Variants in ANKRD12 observed in about 807,000 individuals in gnomAD.
The protein encoded by ANKRD12 is ankyrin repeat domain 12, also known as ankyrin repeat domain-containing protein 12.
ANKRD12 carries 85 observed loss-of-function variants against 183.4 expected under a neutral mutation model. That is an observed-to-expected ratio of 0.46 (90% CI 0.39 to 0.56). The LOEUF is 0.56. ANKRD12 is among the 20% of genes least tolerant of loss of function. ANKRD12 has a pLI of 0.00. For synonymous variants in ANKRD12, 914 were observed against 800.2 expected, an observed-to-expected ratio of 1.14 and a Z score of -2.40; for missense variants, 2,405 against 2,357.1, an observed-to-expected ratio of 1.02 and a Z score of -0.42.
At chr18:9,165,785 T>G (rs1377932852) in intron 1 of ANKRD12, among the ~76,000 whole-genome samples, 2 of 151,976 alleles carry the variant, frequency 1.3e-5, no homozygotes, top group African/African-American at 2.4e-5. Flanking sequence ...TTTTTACGTA[T>G]GTATACATGT....
chr18:9,175,450 G>A (rs2033173390), intron 1 of ANKRD12, among the ~76,000 whole-genome samples: 1 of 138,226 alleles, frequency 7.2e-6, no homozygotes, highest in African/African-American at 2.7e-5. Context: ...GTGTTCAGTA[G>A]TTTTTCGTCC....
chr18:9,251,792 CA>C (rs1187636473), intron 8 of ANKRD12, among the ~76,000 whole-genome samples: 2 of 150,176 alleles, frequency 1.3e-5, no homozygotes, highest in Non-Finnish European at 3.0e-5. Context: ...GACTCCATCT[CA>C]AAAAAAAGAA....
intron 1 of ANKRD12, among the ~76,000 whole-genome samples, chr18:9,156,865 G>A (rs1323548714): frequency 1.3e-5 from 2 of 152,244 alleles, no homozygotes; most frequent in Non-Finnish European, 2.9e-5. Context: ...AGTATGCTAA[G>A]TGAAATAATC....
chr18:9,226,879 G>T (rs146044399), intron 8 of ANKRD12, among the ~76,000 whole-genome samples: 4 of 152,048 alleles, frequency 2.6e-5, no homozygotes, highest in African/African-American at 7.2e-5. Context: ...GGGAATTTTC[G>T]TAAGAAACCA....
intron 8 of ANKRD12, among the ~76,000 whole-genome samples, chr18:9,242,765 A>G (rs1185678674): frequency 3.9e-5 from 6 of 152,168 alleles, no homozygotes; most frequent in Non-Finnish European, 7.4e-5. Context: ...TTTTGTATGT[A>G]GATTTTGCTT....
intron 10 of ANKRD12, among the ~76,000 whole-genome samples, chr18:9,265,760 A>G (rs1201319235): frequency 2.0e-5 from 3 of 152,240 alleles, no homozygotes; most frequent in Non-Finnish European, 2.9e-5. Flanking sequence ...AACGGAACAA[A>G]GCTGGACGGA....
chr18:9,255,892 G>T lies in ANKRD12; in HGVS notation c.2625G>T (p.Ser875=), dbSNP rs752259363. The T allele has an allele frequency of 8.2e-6, 13 of 1,593,966 alleles. No individual in the cohort carries two copies. Among genetic ancestry groups the T allele is most frequent in the African/African-American group, 2.7e-5 (2 of 73,626 alleles). ...TAAAAGAAAAGGACAAGCTATATTCGCATCACACAGAAAAATGCCATAAAG... is the reference window on the plus strand; with the variant it reads ...TAAAAGAAAAGGACAAGCTATATTCTCATCACACAGAAAAATGCCATAAAG... ...DKIKEKDKLY[S]HHTEKCHKEG... The change falls in exon 9 of 13, where the codon TCG becomes TCT. Residue 875 remains serine (S), a synonymous_variant. Transcript: ENST00000262126.
At chr18:9,144,683 T>G (rs1598382614) in intron 1 of ANKRD12, among the ~76,000 whole-genome samples, 2 of 152,226 alleles carry the variant, frequency 1.3e-5, no homozygotes, top group Admixed American at 1.3e-4. Flanking sequence ...GTTTATCTTA[T>G]TCCCATTTTG....
chr18:9,237,525 T>C (rs142984548), intron 8 of ANKRD12, among the ~76,000 whole-genome samples: 170 of 152,318 alleles, frequency 1.1e-3, no homozygotes, highest in African/African-American at 4.0e-3. Context: ...ATTAAATCAA[T>C]GTATAGCCTC....
chr18:9,193,460 A>G (rs934114180), intron 2 of ANKRD12, among the ~76,000 whole-genome samples: 1 of 152,012 alleles, frequency 6.6e-6, no homozygotes, highest in Non-Finnish European at 1.5e-5. Flanking sequence ...GCATTCTTTC[A>G]TAACTTTTTA....
chr18:9,156,146 A>AAAG (rs2030406595), intron 1 of ANKRD12, among the ~76,000 whole-genome samples: 1 of 151,042 alleles, frequency 6.6e-6, no homozygotes, highest in South Asian at 2.1e-4. Flanking sequence ...TCAAAAAAAA[A>AAAG]AAAAAAAAAG....
chr18:9,217,836 C>T (rs1446740984), intron 7 of ANKRD12, among the ~76,000 whole-genome samples: 1 of 152,130 alleles, frequency 6.6e-6, no homozygotes, highest in East Asian at 1.9e-4. Context: ...GTTATTTACT[C>T]TGGAACTGCT....
chr18:9,153,554 A>G (rs2029920162), intron 1 of ANKRD12, among the ~76,000 whole-genome samples: 1 of 152,236 alleles, frequency 6.6e-6, no homozygotes, highest in African/African-American at 2.4e-5. Flanking sequence ...TGTGTGTCCC[A>G]GGATGTATTC....
At chr18:9,180,815 T>C (rs752993497) in intron 1 of ANKRD12, among the ~76,000 whole-genome samples, 1 of 152,250 alleles carries the variant, frequency 6.6e-6, no homozygotes, top group African/African-American at 2.4e-5. Context: ...TATTGCCCTG[T>C]AGAATTTTCT....
At chr18:9,278,483 T>C (rs1179872308) in intron 11 of ANKRD12, among the ~76,000 whole-genome samples, 2 of 152,166 alleles carry the variant, frequency 1.3e-5, no homozygotes, top group African/African-American at 2.4e-5. Context: ...GGGGCACCAA[T>C]GAAGAAATTA....
Position 9,254,506 on chromosome 18 carries a change from TAAA to T in ANKRD12, c.1243_1245del (p.Lys415del), listed in dbSNP as rs760138599. On this transcript the variant is annotated inframe_deletion, in exon 9 of 13. Coordinates refer to ENST00000262126, the MANE Select transcript of ANKRD12 (RefSeq NM_015208.5). ...CCTTCTATCCTAAATCATTTAAAAG[TAAA>T]AAACAAAAGCCATCTAGGGTCTTAT... The T allele has an allele frequency of 6.5e-7, 1 of 1,537,998 alleles. No individual in the cohort carries two copies. Among genetic ancestry groups the T allele is most frequent in the African/African-American group, 1.4e-5 (1 of 71,356 alleles).
intron 1 of ANKRD12, among the ~76,000 whole-genome samples, chr18:9,174,018 C>G: frequency 6.6e-6 from 1 of 152,214 alleles, no homozygotes; most frequent in Non-Finnish European, 1.5e-5. Context: ...GAAATTCCCT[C>G]AGGGAGGCCC....
chr18:9,179,473 A>G (rs12956041), intron 1 of ANKRD12, among the ~76,000 whole-genome samples: 5,312 of 152,188 alleles, frequency 0.035, 122 homozygotes, highest in Non-Finnish European at 0.056. Context: ...AGATGGTCAT[A>G]TATTTTTATG....
At chr18:9,200,276 C>T (rs756211346) in intron 3 of ANKRD12, among the ~76,000 whole-genome samples, 20 of 152,258 alleles carry the variant, frequency 1.3e-4, no homozygotes, top group African/African-American at 3.8e-4. Context: ...GTAGCTCTAT[C>T]GTAGTACTAT....
Sources: gnomAD v4.1 joint callset for allele counts (sites outside exome capture counted in the v4.1 genomes callset) on GRCh38, gnomAD v4.1.1 for gene constraint, MANE v1.5 for transcripts, NCBI Gene and HGNC (gene_info 2026-07-23, HGNC 2026-07-21) for gene names.